Variants in FRMD4A observed in about 807,000 individuals in gnomAD.
FRMD4A encodes FERM domain containing 4A, also known as FERM domain-containing protein 4A.
Under a neutral mutation model 129.1 loss-of-function variants are expected in FRMD4A, and 29 were observed. The ratio of observed to expected loss-of-function variants is 0.22; its 90% CI spans 0.17 to 0.31. FRMD4A has a LOEUF of 0.31. FRMD4A is among the 10% of genes least tolerant of loss of function. The probability of loss-of-function intolerance (pLI) is 1.00; values close to 1 mark genes in which losing one functional copy is unlikely to be tolerated. For synonymous variants in FRMD4A, 634 were observed against 571.6 expected (o/e 1.11, Z -1.56); for missense variants, 1,272 against 1,375.8 (o/e 0.92, Z 1.19).
At chr10:13,931,973 A>C (rs1309773908) in intron 2 of FRMD4A, among the ~76,000 whole-genome samples, 1 of 151,344 alleles carries the variant, frequency 6.6e-6, no homozygotes, top group Non-Finnish European at 1.5e-5. Context: ...CAACCAACCA[A>C]CCAACAAACC....
intron 5 of FRMD4A, among the ~76,000 whole-genome samples, chr10:13,791,842 C>G (rs548906364): frequency 2.4e-4 from 37 of 152,244 alleles, no homozygotes; most frequent in Admixed American, 2.4e-3. Flanking sequence ...GGGTGATGAC[C>G]AGGTGCAAGT....
At chr10:13,791,615 C>T (rs747831739) in intron 5 of FRMD4A, among the ~76,000 whole-genome samples, 27 of 152,250 alleles carry the variant, frequency 1.8e-4, no homozygotes, top group Admixed American at 9.2e-4. Context: ...GAAATGGACG[C>T]GAAATTGCCT....
At chr10:14,184,129 T>C (rs960772213) in intron 2 of FRMD4A, among the ~76,000 whole-genome samples, 4 of 43,692 alleles carry the variant, frequency 9.2e-5, no homozygotes, top group South Asian at 6.9e-4. Context: ...TCTTTTCTTT[T>C]TTTTTTTTTT....
In FRMD4A at chr10:13,996,957, A is replaced by G. The variant is rs182241196; in HGVS notation, c.46-138045T>C. 6.1e-4 allele frequency among the ~76,000 whole-genome samples: 93 copies of G among 151,666 alleles called. 1 individual carries two copies. The highest frequency in any genetic ancestry group is 2.1e-3 in the African/African-American group (88 of 41,444). On this transcript the variant is annotated intron_variant, in intron 2 of 24. Transcript: ENST00000357447. ...CTGGGTTATGAAGCCCTGACCCATG[A>G]TTACATCAAGCCATTGAAAAAAATT...
intron 15 of FRMD4A, among the ~76,000 whole-genome samples, chr10:13,688,502 A>G (rs1235986619): frequency 3.3e-5 from 5 of 152,082 alleles, no homozygotes; most frequent in Admixed American, 6.6e-5. Context: ...TGTGTAACAA[A>G]CCTGCACCTT....
chr10:14,093,353 A>G (rs1331134460), intron 2 of FRMD4A, among the ~76,000 whole-genome samples: 1 of 152,246 alleles, frequency 6.6e-6, no homozygotes, highest in East Asian at 1.9e-4. Flanking sequence ...TTCCCAAAGC[A>G]GAAGTAATAT....
chr10:13,976,781 C>A (rs1262820153), intron 2 of FRMD4A, among the ~76,000 whole-genome samples: 1 of 152,190 alleles, frequency 6.6e-6, no homozygotes, highest in African/African-American at 2.4e-5. Context: ...CCATCTTAAT[C>A]ATTCAGGGAT....
intron 2 of FRMD4A, among the ~76,000 whole-genome samples, chr10:14,269,606 G>A (rs989959570): frequency 6.6e-6 from 1 of 152,050 alleles, no homozygotes; most frequent in East Asian, 1.9e-4. Flanking sequence ...AGTTATCTGC[G>A]TCTAAGGGAT....
chr10:13,720,087 C>T (rs764061269), intron 12 of FRMD4A, among the ~76,000 whole-genome samples: 26 of 152,184 alleles, frequency 1.7e-4, no homozygotes, highest in Non-Finnish European at 3.1e-4. Context: ...CTTGCTGTGT[C>T]GCCCAGGCTG....
In FRMD4A at chr10:13,646,947, C is replaced by T. The variant is rs1444027994; in HGVS notation, c.*91G>A. The T allele has an allele frequency of 3.1e-5, 30 of 978,338 alleles. No homozygotes were observed. Among genetic ancestry groups the T allele is most frequent in the Non-Finnish European group, 3.4e-5 (28 of 823,134 alleles). The allele number at this position is 978,338 out of a possible 1,614,324, so 60.6% of individuals were successfully genotyped here. A position where few individuals can be genotyped will look rare whatever the true frequency, so the allele number is the denominator to read the frequency against. On this transcript the variant is annotated 3_prime_UTR_variant, in exon 25 of 25. Transcript: ENST00000357447. ...GCCGGGCTGGCTCACACGAGGGTCC[C>T]GGGCTTGGCTTTTTCCTGCCCGTAC...
At chr10:13,824,894 CAAAA>C (rs1165591899) in intron 3 of FRMD4A, among the ~76,000 whole-genome samples, 2 of 54,834 alleles carry the variant, frequency 3.6e-5, no homozygotes, top group African/African-American at 6.6e-5. Context: ...GACTCTGTCT[CAAAA>C]AAAAAAAAAA....
intron 3 of FRMD4A, among the ~76,000 whole-genome samples, chr10:13,817,759 T>C (rs1001345847): frequency 2.0e-5 from 3 of 152,208 alleles, no homozygotes; most frequent in African/African-American, 7.2e-5. Context: ...CTCTTTCCTT[T>C]ATAAATTACC....
At chr10:13,761,509 A>T (rs1411474336) in intron 8 of FRMD4A, 138 bp downstream of exon 8, 2 of 664,272 alleles carry the variant, frequency 3.0e-6, no homozygotes, top group Non-Finnish European at 5.4e-6. Flanking sequence ...TCAGTGGACA[A>T]GTTGAGAGTT....
chr10:13,793,304 T>A (rs1450684249), intron 5 of FRMD4A, among the ~76,000 whole-genome samples: 4 of 152,076 alleles, frequency 2.6e-5, no homozygotes, highest in Non-Finnish European at 4.4e-5. Flanking sequence ...CCCAAGTAGC[T>A]GGGATTACAG....
At chr10:14,309,472 A>T (rs1564455720) in intron 2 of FRMD4A, among the ~76,000 whole-genome samples, 1 of 152,074 alleles carries the variant, frequency 6.6e-6, no homozygotes, top group African/African-American at 2.4e-5. Flanking sequence ...AAAACAAAAC[A>T]AACAACAACA....
At position 13,644,127 on chromosome 10, in the gene FRMD4A, C is replaced by A. The variant is rs1469168711; in HGVS notation, c.*2911G>T. The A allele has an allele frequency of 6.6e-6, 1 of 152,560 alleles. No individual in the cohort carries two copies. Among genetic ancestry groups the A allele is most frequent in the South Asian group, 2.1e-4 (1 of 4,830 alleles). The allele number at this position is 152,560 out of a possible 1,614,324, so 9.5% of individuals were successfully genotyped here. ...CAAATTGGAATTTTAACAGTTTCAA[C>A]ACTCACCTGCATATAATAAAATAAA... On this transcript the variant is annotated 3_prime_UTR_variant, in exon 25 of 25. Coordinates refer to ENST00000357447, the MANE Select transcript of FRMD4A (RefSeq NM_018027.5).
At chr10:14,246,414 C>T (rs549768047) in intron 2 of FRMD4A, among the ~76,000 whole-genome samples, 10 of 152,046 alleles carry the variant, frequency 6.6e-5, no homozygotes, top group East Asian at 3.9e-4. Flanking sequence ...CACAAGTGCA[C>T]GCATACACAC....
intron 2 of FRMD4A, among the ~76,000 whole-genome samples, chr10:14,208,561 T>C (rs1434291519): frequency 6.6e-6 from 1 of 152,056 alleles, no homozygotes; most frequent in Non-Finnish European, 1.5e-5. Context: ...ACCTCCTACC[T>C]GGGCTGAAGG....
intron 2 of FRMD4A, among the ~76,000 whole-genome samples, chr10:14,244,874 G>C (rs1844177684): frequency 6.6e-6 from 1 of 152,212 alleles, no homozygotes; most frequent in Non-Finnish European, 1.5e-5. Context: ...GATGCACCAT[G>C]AGTCATTTCC....
Sources: gnomAD v4.1 joint callset for allele counts (sites outside exome capture counted in the v4.1 genomes callset) on GRCh38, gnomAD v4.1.1 for gene constraint, MANE v1.5 for transcripts, NCBI Gene and HGNC (gene_info 2026-07-23, HGNC 2026-07-21) for gene names.